Variants in FHIT observed in about 807,000 individuals in gnomAD.
The protein encoded by FHIT is bis(5'-adenosyl)-triphosphatase.
A neutral mutation model predicts 17.9 loss-of-function variants in FHIT; 19 were observed. The observed-to-expected ratio is 1.06, with a 90% CI of 0.74 to 1.56. FHIT has a LOEUF of 1.56. Among genes scored for constraint, FHIT ranks in the 40% most tolerant of loss-of-function variants. The pLI is 0.00. For missense variants in FHIT, 248 were observed against 189.2 expected (o/e 1.31, Z -1.82); for synonymous variants, 81 against 69.7 (o/e 1.16, Z -0.81).
intron 5 of FHIT, among the ~76,000 whole-genome samples, chr3:60,416,883 G>C (rs368169636): frequency 3.3e-5 from 5 of 152,104 alleles, no homozygotes; most frequent in African/African-American, 1.2e-4. Flanking sequence ...TCAGGAGAGC[G>C]AGACCATCCT....
chr3:60,960,628 T>C (rs146867890), intron 3 of FHIT, among the ~76,000 whole-genome samples: 2,584 of 152,240 alleles, frequency 0.017, 36 homozygotes, highest in Non-Finnish European at 0.028. Context: ...ATGTTCTCCA[T>C]CCTGTGTCTA....
At chr3:60,793,974 C>A in intron 4 of FHIT, among the ~76,000 whole-genome samples, 1 of 152,158 alleles carries the variant, frequency 6.6e-6, no homozygotes, top group East Asian at 1.9e-4. Context: ...GCTCCGACAC[C>A]TTCTGCTACA....
chr3:60,041,141 C>T (rs939454631), intron 5 of FHIT, among the ~76,000 whole-genome samples: 1 of 152,144 alleles, frequency 6.6e-6, no homozygotes. Flanking sequence ...CATCTCCCAC[C>T]TCCAACCCTG....
chr3:60,284,104 T>G (rs1559788272), intron 5 of FHIT, among the ~76,000 whole-genome samples: 1 of 151,994 alleles, frequency 6.6e-6, no homozygotes, highest in Non-Finnish European at 1.5e-5. Context: ...AAATATTCAA[T>G]AAGAAGGAAG....
intron 4 of FHIT, among the ~76,000 whole-genome samples, chr3:60,644,693 A>T (rs2039812467): frequency 6.6e-6 from 1 of 152,176 alleles, no homozygotes; most frequent in African/African-American, 2.4e-5. Context: ...TTCACAGGTA[A>T]TGGGCAGTTC....
intron 8 of FHIT, among the ~76,000 whole-genome samples, chr3:59,849,185 ACATG>A (rs1701836253): frequency 6.6e-6 from 1 of 152,154 alleles, no homozygotes; most frequent in Non-Finnish European, 1.5e-5. Context: ...AGCCTGGCCA[ACATG>A]GTGAAAGCCC....
At chr3:61,063,421 T>C (rs992970408) in intron 2 of FHIT, among the ~76,000 whole-genome samples, 1 of 152,152 alleles carries the variant, frequency 6.6e-6, no homozygotes, top group African/African-American at 2.4e-5. Flanking sequence ...TCAAAAGCCA[T>C]GCTCTTAACC....
intron 2 of FHIT, among the ~76,000 whole-genome samples, chr3:61,068,320 C>A (rs879928653): frequency 6.6e-6 from 1 of 152,152 alleles, no homozygotes; most frequent in Non-Finnish European, 1.5e-5. Flanking sequence ...GTCCTGTTTC[C>A]TTATTGCCTG....
At position 61,010,422 on chromosome 3, in the gene FHIT, G is replaced by A. The variant is rs77180869; in HGVS notation, c.-111+31625C>T. 1.4e-4 allele frequency among the ~76,000 whole-genome samples: 22 copies of A among 152,192 alleles called. No individual in the cohort carries two copies. The East Asian group carries it at 4.3e-3, about 29-fold the overall frequency. ...GCTTTACATGCATTCATTCATTTAT[G>A]TGACTCAACAATCCCATGTAATAAG... is the stretch of plus-strand genomic sequence containing the variant. On this transcript the variant is annotated intron_variant, in intron 3 of 9. Transcript: ENST00000492590.
chr3:60,583,674 T>C (rs911643775), intron 4 of FHIT, among the ~76,000 whole-genome samples: 4 of 152,088 alleles, frequency 2.6e-5, no homozygotes, highest in African/African-American at 9.7e-5. Flanking sequence ...AAACATGCTG[T>C]GGCCTGGATT....
chr3:61,073,891 TA>T (rs546144395), intron 2 of FHIT, among the ~76,000 whole-genome samples: 1,936 of 152,278 alleles, frequency 0.013, 17 homozygotes, highest in Middle Eastern at 0.027. Flanking sequence ...AGCTCTTCAT[TA>T]CCTCCTTGAA....
chr3:60,737,275 C>T (rs1553712844), intron 4 of FHIT, among the ~76,000 whole-genome samples: 1 of 152,088 alleles, frequency 6.6e-6, no homozygotes, highest in African/African-American at 2.4e-5. Context: ...AAACACTGCC[C>T]CATTATTACA....
intron 5 of FHIT, among the ~76,000 whole-genome samples, chr3:60,196,316 G>T (rs1005562654): frequency 5.9e-5 from 9 of 152,004 alleles, no homozygotes; most frequent in Non-Finnish European, 1.0e-4. Context: ...ACCTCATGGT[G>T]CCTTCCCACA....
At chr3:60,009,846 C>T (rs1700073245) in intron 7 of FHIT, among the ~76,000 whole-genome samples, 1 of 152,186 alleles carries the variant, frequency 6.6e-6, no homozygotes, top group South Asian at 2.1e-4. Flanking sequence ...TATCTCTATT[C>T]AGAGCCTGTT....
At chr3:60,311,297 C>T (rs993525004) in intron 5 of FHIT, among the ~76,000 whole-genome samples, 4 of 151,708 alleles carry the variant, frequency 2.6e-5, no homozygotes, top group African/African-American at 9.7e-5. Context: ...AGAACTATTC[C>T]TCATTTGGGG....
At chr3:61,161,107 C>T (rs2037677223) in intron 2 of FHIT, among the ~76,000 whole-genome samples, 1 of 145,386 alleles carries the variant, frequency 6.9e-6, no homozygotes, top group Non-Finnish European at 1.5e-5. Context: ...TATTTTTTAA[C>T]TTTTTCCTTT....
chr3:61,206,123 G>C (rs1259050705), intron 1 of FHIT, among the ~76,000 whole-genome samples: 1 of 130,582 alleles, frequency 7.7e-6, no homozygotes, highest in African/African-American at 2.9e-5. Context: ...AGATCAGATA[G>C]TTGTAGATAT....
At chr3:60,564,871 G>A (rs951526561) in intron 4 of FHIT, among the ~76,000 whole-genome samples, 1 of 152,130 alleles carries the variant, frequency 6.6e-6, no homozygotes, top group African/African-American at 2.4e-5. Flanking sequence ...CAACAGCACT[G>A]TCAAAGACGA....
chr3:60,196,828 TAA>T (rs35480699), intron 5 of FHIT, among the ~76,000 whole-genome samples: 1 of 148,658 alleles, frequency 6.7e-6, no homozygotes, highest in Non-Finnish European at 1.5e-5. Context: ...GTTTTATTTG[TAA>T]AAAAAAAAAT....
Sources: gnomAD v4.1 joint callset for allele counts (sites outside exome capture counted in the v4.1 genomes callset) on GRCh38, gnomAD v4.1.1 for gene constraint, MANE v1.5 for transcripts, NCBI Gene and HGNC (gene_info 2026-07-23, HGNC 2026-07-21) for gene names.